PRR5: variants seen among roughly 807,000 people sequenced by gnomAD.
PRR5 encodes the protein proline rich 5, also known as proline-rich protein 5.
A neutral mutation model predicts 30.6 loss-of-function variants in PRR5; 25 were observed. That is an observed-to-expected ratio of 0.82 (90% CI 0.60 to 1.14). PRR5 has a LOEUF of 1.14. Among genes scored for constraint, PRR5 ranks in the 50% most tolerant of loss-of-function variants. PRR5 has a pLI of 0.00. For missense variants in PRR5, 600 were observed against 547.1 expected, an observed-to-expected ratio of 1.10 and a Z score of -0.96; for synonymous variants, 286 against 247.1, an observed-to-expected ratio of 1.16 and a Z score of -1.48.
At chr22:44,700,105 C>T (rs1262968324), upstream of PRR5, among the ~76,000 whole-genome samples, 1 of 151,864 alleles carries the variant, frequency 6.6e-6, no homozygotes, top group Non-Finnish European at 1.5e-5. Flanking sequence ...CTCCTTGAGT[C>T]CAGAAGTTTG....
Position 44,683,139 on chromosome 22 carries a change from C to A in PRR5, c.-11+5899C>A, listed in dbSNP as rs755506981. Among the ~76,000 whole-genome samples the A allele has an allele frequency of 7.2e-4, 109 of 152,332 alleles. No homozygotes were observed. In the Middle Eastern group the frequency reaches 0.01, roughly 14 times the overall value. On this transcript the variant is annotated intron_variant, in intron 1 of 8. Transcript: ENST00000006251. ...GGAGGTTTCAAGGAGGCCCCTGGGT[C>A]CCCTGCCTCTCCTCTCAGACCCTGG...
chr22:44,730,631 TC>T, intron 4 of PRR5: 1 of 1,016,308 alleles, frequency 9.8e-7, no homozygotes, highest in Non-Finnish European at 1.2e-6. Flanking sequence ...TCAAGATGTG[TC>T]CCCATACCAC....
intron 2 of PRR5, among the ~76,000 whole-genome samples, chr22:44,724,667 T>A (rs1410164662): frequency 6.6e-6 from 1 of 152,060 alleles, no homozygotes; most frequent in Non-Finnish European, 1.5e-5. Flanking sequence ...AGGTGGAGGT[T>A]CAGATCTCAG....
At chr22:44,695,565 C>G (rs1348728960) in intron 1 of PRR5, among the ~76,000 whole-genome samples, 1 of 152,018 alleles carries the variant, frequency 6.6e-6, no homozygotes, top group Non-Finnish European at 1.5e-5. Flanking sequence ...TTTCCTGGCT[C>G]TATTTCTCAG....
At chr22:44,733,428 G>A (rs911702334) in intron 6 of PRR5, among the ~76,000 whole-genome samples, 1 of 152,218 alleles carries the variant, frequency 6.6e-6, no homozygotes, top group Non-Finnish European at 1.5e-5. Flanking sequence ...CTGAATCCCC[G>A]TGAAGCTCTT....
At chr22:44,671,929 T>C (rs1352869594) in intron 1 of PRR5, among the ~76,000 whole-genome samples, 1 of 152,242 alleles carries the variant, frequency 6.6e-6, no homozygotes, top group Non-Finnish European at 1.5e-5. Flanking sequence ...TTGTGTAAAG[T>C]AGTGATGTCA....
chr22:44,694,659 A>G (rs1925587991), intron 1 of PRR5, among the ~76,000 whole-genome samples: 2 of 152,294 alleles, frequency 1.3e-5, no homozygotes, highest in South Asian at 2.1e-4. Flanking sequence ...GACCTAGGAT[A>G]AGTCACCTAA....
At chr22:44,690,424 G>C (rs1028419310) in intron 1 of PRR5, among the ~76,000 whole-genome samples, 1 of 152,158 alleles carries the variant, frequency 6.6e-6, no homozygotes, top group Non-Finnish European at 1.5e-5. Flanking sequence ...GGTGGGGTTG[G>C]GGGGAACCTG....
chr22:44,688,375 C>G (rs1428519978), intron 1 of PRR5, among the ~76,000 whole-genome samples: 1 of 152,062 alleles, frequency 6.6e-6, no homozygotes, highest in African/African-American at 2.4e-5. Flanking sequence ...CAGAGCGAGA[C>G]TTCGTCTCAA....
At chr22:44,730,497 C>G in intron 4 of PRR5, 1 of 988,902 alleles carries the variant, frequency 1.0e-6, no homozygotes, top group Non-Finnish European at 1.2e-6. Flanking sequence ...GCTTGGGCAG[C>G]TGTCCCCGTC....
chr22:44,714,460 G>T, intron 1 of PRR5, 131 bp from the exon 2 acceptor site: 1 of 1,288,194 alleles, frequency 7.8e-7, no homozygotes, highest in South Asian at 1.4e-5. Context: ...GTTGAAGTGG[G>T]TGTGAGCAGG....
chr22:44,698,703 C>T (rs1925985591), upstream of PRR5, among the ~76,000 whole-genome samples: 1 of 152,348 alleles, frequency 6.6e-6, no homozygotes, highest in Non-Finnish European at 1.5e-5. Flanking sequence ...TCACCTGATG[C>T]TTCAGGGCGG....
intron 2 of PRR5, among the ~76,000 whole-genome samples, chr22:44,720,860 A>G (rs967867654): frequency 5.3e-5 from 8 of 152,176 alleles, no homozygotes; most frequent in Non-Finnish European, 1.0e-4. Flanking sequence ...GAAATGTCAG[A>G]GGAGGCCAGG....
Position 44,722,315 on chromosome 22 carries a change from C to T in PRR5, c.216-2929C>T, listed in dbSNP as rs1930062525. Among the ~76,000 whole-genome samples the T allele has an allele frequency of 2.0e-5, 3 of 152,164 alleles. No individual in the cohort carries two copies. In the South Asian group the frequency reaches 6.2e-4, roughly 31 times the overall value. Reference sequence around the variant, plus strand: ...AAATGGGGACACTAACATCACCTGTCAGGTGGCTGTGAACGGAGGCCTGTG... The same window carrying T: ...AAATGGGGACACTAACATCACCTGTTAGGTGGCTGTGAACGGAGGCCTGTG... On this transcript the variant is annotated intron_variant, in intron 2 of 7. Transcript: ENST00000336985.
In PRR5 at chr22:44,702,309, A is replaced by G; in HGVS notation, c.-166A>G. The G allele has an allele frequency of 1.7e-6, 2 of 1,147,442 alleles. No homozygotes were observed. The highest frequency in any genetic ancestry group is 2.2e-6 in the Non-Finnish European group (2 of 927,880). 71.1% of individuals were successfully genotyped at this position (1,147,442 alleles called of 1,614,324 possible). On this transcript the variant is annotated 5_prime_UTR_variant, in exon 1 of 8. Transcript: ENST00000336985. ...CGGGGCGGCCGGCGCGGGACCCGAG[A>G]CGGAGGCGCGGGGCCGGGGCGGGAC...
chr22:44,712,664 G>T (rs1202080558), intron 1 of PRR5, among the ~76,000 whole-genome samples: 1 of 152,224 alleles, frequency 6.6e-6, no homozygotes, highest in East Asian at 1.9e-4. Context: ...AGCAGATGAG[G>T]ACGTTAGGAG....
upstream of PRR5, among the ~76,000 whole-genome samples, chr22:44,697,480 C>T (rs141652400): frequency 2.0e-5 from 3 of 152,392 alleles, no homozygotes; most frequent in East Asian, 5.8e-4. Context: ...TTTCCGTGCC[C>T]AGCACGTTGC....
chr22:44,726,217 G>A (rs191929673), intron 3 of PRR5, among the ~76,000 whole-genome samples: 3 of 152,300 alleles, frequency 2.0e-5, no homozygotes, highest in East Asian at 3.9e-4. Context: ...GGCAGCTGAC[G>A]GGCCCGGCCT....
rs142717663 is a variant in PRR5, at chr22:44,733,810, A to G, written c.556-1217A>G. On this transcript the variant is annotated intron_variant, in intron 6 of 7. Coordinates refer to ENST00000336985, the MANE Select transcript of PRR5 (RefSeq NM_181333.4). ...TACTCATTGTAACACAGGCCAGGAC[A>G]TAGGAGCCTGTACCAGCCCCGAAAC... Among the ~76,000 whole-genome samples, 1,428 of 152,252 alleles carry G rather than the reference A, an allele frequency of 9.4e-3. 29 individuals carry two copies. Among genetic ancestry groups the G allele is most frequent in the African/African-American group, 0.033 (1,376 of 41,526 alleles).
Sources: gnomAD v4.1 joint callset for allele counts (sites outside exome capture counted in the v4.1 genomes callset) on GRCh38, gnomAD v4.1.1 for gene constraint, MANE v1.5 for transcripts, NCBI Gene and HGNC (gene_info 2026-07-23, HGNC 2026-07-21) for gene names.